The following CFAP90 variants were observed in gnomAD, a reference collection of about 807,000 sequenced individuals.
CFAP90 encodes the protein cilia- and flagella-associated protein 90.
At chr5:7,836,344 A>G in the CFAP90 span, among the ~76,000 whole-genome samples, 13 of 152,170 alleles carry the variant, frequency 8.5e-5, no homozygotes, top group Non-Finnish European at 1.6e-4. Flanking sequence ...ACTTAACAGG[A>G]GTCATCCTTT....
chr5:7,840,798 C>T, the CFAP90 span, among the ~76,000 whole-genome samples: 3,126 of 152,080 alleles, frequency 0.021, 99 homozygotes, highest in African/African-American at 0.07. Flanking sequence ...GGTAGACCCC[C>T]GAGCTAATAT....
At chr5:7,844,967 G>T in the CFAP90 span, among the ~76,000 whole-genome samples, 4 of 152,168 alleles carry the variant, frequency 2.6e-5, no homozygotes, top group Non-Finnish European at 2.9e-5. Flanking sequence ...CTGCTATAAA[G>T]AACTGCCTAG....
At chr5:7,833,058 G>A in the CFAP90 span, among the ~76,000 whole-genome samples, 23 of 152,330 alleles carry the variant, frequency 1.5e-4, no homozygotes, top group Admixed American at 3.9e-4. Flanking sequence ...TGTTTTATCC[G>A]TTGAAGGGAA....
the CFAP90 span, among the ~76,000 whole-genome samples, chr5:7,832,453 C>T: frequency 6.6e-6 from 1 of 152,162 alleles, no homozygotes; most frequent in South Asian, 2.1e-4. Context: ...CACATGGCTT[C>T]CTCTTCCCTC....
the CFAP90 span, among the ~76,000 whole-genome samples, chr5:7,835,794 T>G: frequency 7.9e-5 from 12 of 152,354 alleles, no homozygotes; most frequent in South Asian, 1.7e-3. Flanking sequence ...CAAGCTGTCT[T>G]GCTGTCTGAC....
At chr5:7,846,771 C>T in the CFAP90 span, among the ~76,000 whole-genome samples, 6 of 152,096 alleles carry the variant, frequency 3.9e-5, no homozygotes, top group Non-Finnish European at 7.4e-5. Context: ...ATTTTGGAGA[C>T]AGTCTCACTC....
chr5:7,831,525 G>A, the CFAP90 span: 1 of 205,936 alleles, frequency 4.9e-6, no homozygotes, highest in Admixed American at 5.3e-5. Flanking sequence ...CAGTTACCAA[G>A]GGGAAACAAA....
At chr5:7,846,473 C>G in the CFAP90 span, among the ~76,000 whole-genome samples, 1 of 152,182 alleles carries the variant, frequency 6.6e-6, no homozygotes, top group Non-Finnish European at 1.5e-5. Flanking sequence ...CTACATGACA[C>G]GTTCTCATTG....
At chr5:7,838,292 C>T in the CFAP90 span, among the ~76,000 whole-genome samples, 1 of 151,118 alleles carries the variant, frequency 6.6e-6, no homozygotes, top group East Asian at 1.9e-4. Context: ...TGACTACATA[C>T]AAATTAGACA....
At chr5:7,841,793 T>TG in the CFAP90 span, among the ~76,000 whole-genome samples, 2 of 151,726 alleles carry the variant, frequency 1.3e-5, no homozygotes, top group Non-Finnish European at 2.9e-5. Flanking sequence ...TAGGGACACA[T>TG]GGGGGGTGGG....
At chr5:7,836,324 G>C in the CFAP90 span, among the ~76,000 whole-genome samples, 3 of 152,234 alleles carry the variant, frequency 2.0e-5, no homozygotes, top group East Asian at 3.9e-4. Context: ...CTACATACTA[G>C]GATAATGAAA....
the CFAP90 span, among the ~76,000 whole-genome samples, chr5:7,833,445 C>T: frequency 6.6e-6 from 1 of 151,408 alleles, no homozygotes; most frequent in Admixed American, 6.6e-5. Flanking sequence ...TACACACATT[C>T]ACAAGCAGGC....
the CFAP90 span, among the ~76,000 whole-genome samples, chr5:7,845,816 C>T: frequency 6.6e-6 from 1 of 151,886 alleles, no homozygotes; most frequent in Non-Finnish European, 1.5e-5. Context: ...ACAAATTTGT[C>T]TTACAATTCA....
chr5:7,847,572 A>G, the CFAP90 span, among the ~76,000 whole-genome samples: 1 of 152,260 alleles, frequency 6.6e-6, no homozygotes, highest in Admixed American at 6.5e-5. Context: ...TAGGTGTGAG[A>G]CTATGTTCTA....
chr5:7,848,838 C>T, the CFAP90 span, among the ~76,000 whole-genome samples: 2 of 152,154 alleles, frequency 1.3e-5, no homozygotes, highest in African/African-American at 2.4e-5. Context: ...CATGCTGCCA[C>T]GTGAAGGACA....
the CFAP90 span, among the ~76,000 whole-genome samples, chr5:7,841,990 A>C: frequency 2.0e-5 from 3 of 152,180 alleles, no homozygotes; most frequent in Non-Finnish European, 4.4e-5. Context: ...AATTAGAAAA[A>C]AAAAATCCTG....
the CFAP90 span, among the ~76,000 whole-genome samples, chr5:7,843,926 G>A: frequency 1.3e-5 from 2 of 152,010 alleles, no homozygotes; most frequent in East Asian, 1.9e-4. Context: ...TACGTATCTC[G>A]ACAAACATGC....
the CFAP90 span, among the ~76,000 whole-genome samples, chr5:7,832,645 G>A: frequency 7.9e-5 from 12 of 151,950 alleles, no homozygotes; most frequent in African/African-American, 2.2e-4. Context: ...GCACCACCAC[G>A]CTCGGCTAGT....
the CFAP90 span, among the ~76,000 whole-genome samples, chr5:7,849,836 G>A: frequency 1.3e-5 from 2 of 152,008 alleles, no homozygotes; most frequent in Non-Finnish European, 2.9e-5. Context: ...GGTTTCCCGC[G>A]CCCTGGACCA....
Sources: allele counts gnomAD v4.1 joint callset (sites outside exome capture counted in the v4.1 genomes callset), GRCh38; gene constraint gnomAD v4.1.1; transcripts MANE v1.5; gene names NCBI Gene and HGNC (gene_info 2026-07-23, HGNC 2026-07-21).